The following TSGA10IP variants were observed in gnomAD, a reference collection of about 807,000 sequenced individuals.
The protein encoded by TSGA10IP is testis-specific protein 10-interacting protein.
TSGA10IP carries 64 observed loss-of-function variants against 63.2 expected under a neutral mutation model. The observed-to-expected ratio is 1.01, with a 90% CI of 0.83 to 1.25. TSGA10IP has a LOEUF of 1.25. Among genes scored for constraint, TSGA10IP ranks in the 50% most tolerant of loss-of-function variants. The pLI is 0.00. For synonymous variants in TSGA10IP, 316 were observed against 298.3 expected (o/e 1.06, Z -0.61); for missense variants, 681 against 710.1 (o/e 0.96, Z 0.47).
rs1405218203 is a variant in TSGA10IP at position 65,945,555 on chromosome 11, A to G, written c.-121A>G. 33 of 1,125,294 alleles carry G rather than the reference A, an allele frequency of 2.9e-5. No individual in the cohort carries two copies. In the South Asian group the frequency reaches 4.7e-4, roughly 16 times the overall value. The allele number at this position is 1,125,294 out of a possible 1,614,324, so 69.7% of individuals were successfully genotyped here. On this transcript the variant is annotated 5_prime_UTR_variant, in exon 1 of 8. Coordinates refer to ENST00000532620, the Ensembl canonical transcript of TSGA10IP. ...TCTCCCAGAAGGAGATTGGCCTCAC[A>G]TACCCCACTGACCCCTTCCTAGCAT...
intron 5 of TSGA10IP, among the ~76,000 whole-genome samples, chr11:65,958,091 C>T (rs1346598505): frequency 6.6e-6 from 1 of 152,172 alleles, no homozygotes; most frequent in East Asian, 1.9e-4. Flanking sequence ...CTACCCAGGA[C>T]TACAGGTGCA....
At chr11:65,947,921 T>C (rs1854872508) in intron 3 of TSGA10IP, 80 bp from the exon 4 acceptor site, 1 of 1,516,626 alleles carries the variant, frequency 6.6e-7, no homozygotes, top group Non-Finnish European at 8.8e-7. Flanking sequence ...CAGGCTGGGC[T>C]GTGCTCTGGG....
intron 5 of TSGA10IP, among the ~76,000 whole-genome samples, chr11:65,956,407 G>A (rs1434692040): frequency 3.3e-5 from 5 of 152,130 alleles, no homozygotes; most frequent in African/African-American, 1.2e-4. Flanking sequence ...AAAGTGCTAG[G>A]ATTACAGGCG....
intron 5 of TSGA10IP, among the ~76,000 whole-genome samples, chr11:65,955,321 C>T (rs1460033180): frequency 6.6e-6 from 1 of 152,046 alleles, no homozygotes; most frequent in Non-Finnish European, 1.5e-5. Context: ...GAGTTAGGTA[C>T]TCGGCTGTAC....
At chr11:65,957,667 TGA>T (rs1263818838) in intron 5 of TSGA10IP, among the ~76,000 whole-genome samples, 1 of 152,182 alleles carries the variant, frequency 6.6e-6, no homozygotes, top group African/African-American at 2.4e-5. Flanking sequence ...CCAGCAAGGC[TGA>T]GTTTTTCCAC....
intron 5 of TSGA10IP, among the ~76,000 whole-genome samples, chr11:65,957,706 C>T (rs1485647722): frequency 6.6e-6 from 1 of 152,172 alleles, no homozygotes; most frequent in Admixed American, 6.6e-5. Flanking sequence ...GCTGAGGTCC[C>T]AGTACAGGTC....
chr11:65,951,013 T>A (rs761348381), intron 4 of TSGA10IP, among the ~76,000 whole-genome samples: 2 of 152,216 alleles, frequency 1.3e-5, no homozygotes, highest in Non-Finnish European at 2.9e-5. Context: ...GGTTTATGCA[T>A]GTTGTTGCAA....
At chr11:65,946,918 C>G (rs1208265656) in exon 2 of TSGA10IP, 1 of 1,613,930 alleles carries the variant, frequency 6.2e-7, no homozygotes, top group South Asian at 1.1e-5. Flanking sequence ...CAAATCAAGA[C>G]CTGCAGCAGA....
chr11:65,955,360 C>T (rs967137173), intron 5 of TSGA10IP, among the ~76,000 whole-genome samples: 1 of 152,146 alleles, frequency 6.6e-6, no homozygotes, highest in Non-Finnish European at 1.5e-5. Context: ...AATCCCAACA[C>T]TTTGGGAAGC....
exon 3 of TSGA10IP, chr11:65,947,715 C>T (rs1854867128): frequency 1.3e-6 from 2 of 1,595,912 alleles, no homozygotes; most frequent in Non-Finnish European, 8.5e-7. Context: ...GGGAGCAGCC[C>T]CAGCTTCAAC....
intron 4 of TSGA10IP, among the ~76,000 whole-genome samples, chr11:65,950,962 T>C (rs1480183538): frequency 6.6e-6 from 1 of 152,232 alleles, no homozygotes; most frequent in Non-Finnish European, 1.5e-5. Flanking sequence ...GGTATTTGTT[T>C]TCCTGTGCCT....
chr11:65,946,797 A>T, intron 1 of TSGA10IP, 83 bp from the exon 2 acceptor site: 1 of 1,495,048 alleles, frequency 6.7e-7, no homozygotes, highest in African/African-American at 1.4e-5. Context: ...AGCCAGGTGC[A>T]CAGAGGGAGC....
chr11:65,947,415 G>T, exon 3 of TSGA10IP: 1 of 1,613,558 alleles, frequency 6.2e-7, no homozygotes. Context: ...CCCCCCAGTG[G>T]TCTCCAGCTG....
rs1353233394 is a variant in TSGA10IP, at chr11:65,945,631, T to C, written c.-45T>C. On this transcript the variant is annotated 5_prime_UTR_variant, in exon 1 of 8. It removes an upstream start codon present in the reference 5' UTR. Transcript: ENST00000532620. ...GGCTGAGGACTGGTTGCCATAGAGA[T>C]GGCCTGTTAGGCAGTTCTACGGTGC... is the stretch of plus-strand genomic sequence containing the variant. 6.3e-7 allele frequency: 1 copy of C among 1,596,954 alleles called. No homozygotes were observed. Among genetic ancestry groups the C allele is most frequent in the Middle Eastern group, 1.7e-4 (1 of 5,964 alleles).
At chr11:65,953,030 C>CTTTTTTTTTTTTTTTTTTTTTT (rs543769953) in intron 4 of TSGA10IP, among the ~76,000 whole-genome samples, 1 of 133,648 alleles carries the variant, frequency 7.5e-6, no homozygotes, top group African/African-American at 2.8e-5. Context: ...TTCTTTCTTT[C>CTTTTTTTTTTTTTTTTTTTTTT]TTTTTTTTTT....
At chr11:65,959,458 A>G in intron 7 of TSGA10IP, 144 bp downstream of exon 7, 1 of 1,308,508 alleles carries the variant, frequency 7.6e-7, no homozygotes, top group Non-Finnish European at 1.0e-6. Flanking sequence ...TGTCATTCCT[A>G]CTTCTCAATG....
intron 4 of TSGA10IP, among the ~76,000 whole-genome samples, chr11:65,950,302 C>G (rs1342590779): frequency 6.6e-6 from 1 of 152,080 alleles, no homozygotes; most frequent in Non-Finnish European, 1.5e-5. Flanking sequence ...ATTTCTTATC[C>G]TTTGACCAAC....
Position 65,948,281 on chromosome 11 carries a change from C to T in TSGA10IP, c.1151+133C>T, listed in dbSNP as rs375697953. ...CCATTCACCAAACTTTTGGATCATC[C>T]ATCCATCCATCCATCCATCCATCCA... On this transcript the variant is annotated intron_variant, in intron 4 of 7. Transcript: ENST00000532620. 3.0e-4 allele frequency: 202 copies of T among 681,008 alleles called. 1 individual carries two copies. The African/African-American group carries it at 5.4e-3, about 18-fold the overall frequency. The allele number at this position is 681,008 out of a possible 1,614,324, so 42.2% of individuals were successfully genotyped here. A position where few individuals can be genotyped will look rare whatever the true frequency, so the allele number is the denominator to read the frequency against.
intron 5 of TSGA10IP, among the ~76,000 whole-genome samples, chr11:65,954,766 C>T (rs867436233): frequency 6.8e-6 from 1 of 147,358 alleles, no homozygotes; most frequent in African/African-American, 2.6e-5. Context: ...TGCAGTGAGC[C>T]GAAATTGAGC....
Sources: allele counts gnomAD v4.1 joint callset (sites outside exome capture counted in the v4.1 genomes callset), GRCh38; gene constraint gnomAD v4.1.1; transcripts MANE v1.5; gene names NCBI Gene and HGNC (gene_info 2026-07-23, HGNC 2026-07-21).